Variants in TRMT11 observed in about 807,000 individuals in gnomAD.
TRMT11 encodes tRNA (guanine(10)-N(2))-methyltransferase TRMT11.
A neutral mutation model predicts 62.8 loss-of-function variants in TRMT11; 53 were observed. The ratio of observed to expected loss-of-function variants is 0.84; its 90% CI spans 0.68 to 1.06. The LOEUF is 1.06. Ranked by LOEUF, TRMT11 falls within the 50% of genes least tolerant of loss-of-function variation. The probability of loss-of-function intolerance (pLI) is 0.00; values close to 1 mark genes in which losing one functional copy is unlikely to be tolerated. For synonymous variants in TRMT11, 188 were observed against 190.3 expected (o/e 0.99, Z 0.10); for missense variants, 556 against 553.4 (o/e 1.00, Z -0.05).
chr6:126,136,757 A>G (rs770593645), intron 21 of TRMT11, among the ~76,000 whole-genome samples: 7 of 151,982 alleles, frequency 4.6e-5, no homozygotes, highest in South Asian at 2.1e-4. Flanking sequence ...TAATAAACAT[A>G]ACAGCATAGT....
intron 1 of TRMT11, among the ~76,000 whole-genome samples, chr6:126,196,850 G>C (rs1054112575): frequency 1.3e-5 from 2 of 151,774 alleles, no homozygotes; most frequent in African/African-American, 4.8e-5. Flanking sequence ...TCAAAACTGG[G>C]AATTAAAATT....
chr6:126,101,338 C>A (rs1242729149), intron 17 of TRMT11, among the ~76,000 whole-genome samples: 1 of 152,124 alleles, frequency 6.6e-6, no homozygotes, highest in African/African-American at 2.4e-5. Context: ...ATTCCACTTG[C>A]AAAATGATTC....
the TRMT11 span, among the ~76,000 whole-genome samples, chr6:126,241,365 A>G: frequency 2.0e-5 from 3 of 152,208 alleles, no homozygotes; most frequent in Admixed American, 2.0e-4. Context: ...TACCAGAGGT[A>G]CAAGGAGGAG....
chr6:126,132,056 G>A (rs1300601759), intron 21 of TRMT11, among the ~76,000 whole-genome samples: 1 of 152,020 alleles, frequency 6.6e-6, no homozygotes, highest in Non-Finnish European at 1.5e-5. Flanking sequence ...AGAGAGAGTG[G>A]AATTCCACAG....
intron 12 of TRMT11, among the ~76,000 whole-genome samples, chr6:126,036,148 A>T (rs1775148563): frequency 6.6e-6 from 1 of 152,076 alleles, no homozygotes; most frequent in Non-Finnish European, 1.5e-5. Context: ...CATGAGGAGA[A>T]TAGTGGACAT....
the TRMT11 span, among the ~76,000 whole-genome samples, chr6:126,215,316 G>A: frequency 1.3e-5 from 2 of 151,856 alleles, no homozygotes; most frequent in African/African-American, 2.4e-5. Context: ...TTGTATTGGG[G>A]TATATCTCTC....
the TRMT11 span, among the ~76,000 whole-genome samples, chr6:126,229,403 A>T: frequency 2.6e-5 from 4 of 152,180 alleles, no homozygotes; most frequent in East Asian, 7.7e-4. Context: ...TCTAACTTTA[A>T]CTCCTACAGA....
At chr6:126,021,759 C>T (rs1023036912) in intron 12 of TRMT11, among the ~76,000 whole-genome samples, 2 of 152,200 alleles carry the variant, frequency 1.3e-5, no homozygotes, top group Non-Finnish European at 2.9e-5. Flanking sequence ...AAAATTCTTA[C>T]TCTCTTACAT....
chr6:126,175,645 T>C (rs1030842405), upstream of TRMT11, among the ~76,000 whole-genome samples: 2 of 152,196 alleles, frequency 1.3e-5, no homozygotes, highest in African/African-American at 2.4e-5. Flanking sequence ...TCCAGTTCCT[T>C]TCATCCTTTC....
chr6:126,018,917 G>A (rs571944251), intron 11 of TRMT11, among the ~76,000 whole-genome samples: 1 of 151,900 alleles, frequency 6.6e-6, no homozygotes, highest in Non-Finnish European at 1.5e-5. Context: ...TTTCGCTCTT[G>A]TTGCCCAGGC....
intron 1 of TRMT11, among the ~76,000 whole-genome samples, chr6:126,187,263 A>AT (rs147168350): frequency 0.036 from 5,412 of 152,062 alleles, 335 homozygotes; most frequent in African/African-American, 0.12. Flanking sequence ...ATTTAGTCAA[A>AT]TTGCAAGATC....
chr6:126,241,189 C>T, the TRMT11 span, among the ~76,000 whole-genome samples: 2 of 152,226 alleles, frequency 1.3e-5, no homozygotes, highest in Non-Finnish European at 2.9e-5. Context: ...TGCTTTGGCT[C>T]ATGCTCGGTG....
intron 7 of TRMT11, among the ~76,000 whole-genome samples, chr6:126,007,414 G>C (rs1205656472): frequency 6.6e-6 from 1 of 151,796 alleles, no homozygotes; most frequent in Non-Finnish European, 1.5e-5. Flanking sequence ...GTCCAAGTCT[G>C]TGCATATTTT....
At chr6:126,250,116 C>A in the TRMT11 span, among the ~76,000 whole-genome samples, 1 of 152,088 alleles carries the variant, frequency 6.6e-6, no homozygotes, top group Non-Finnish European at 1.5e-5. Context: ...AAATTATATA[C>A]AATGATATGT....
rs114063260 is a variant in TRMT11, at chr6:126,083,188, G to T, written c.*1438-29678G>T. ...AGTTTCACTTTTCTGACATTCTTTC[G>T]GTCCCTGACAAACTGGTGTCCCATC... On this transcript the variant is annotated intron_variant and NMD_transcript_variant, in intron 17 of 22. Transcript: ENST00000648977. Among the ~76,000 whole-genome samples the T allele has an allele frequency of 6.3e-3, 960 of 152,150 alleles. 5 individuals carry two copies. Among genetic ancestry groups the T allele is most frequent in the African/African-American group, 0.022 (909 of 41,508 alleles).
chr6:126,132,046 AG>A (rs2087116039), intron 21 of TRMT11, among the ~76,000 whole-genome samples: 1 of 152,086 alleles, frequency 6.6e-6, no homozygotes, highest in African/African-American at 2.4e-5. Flanking sequence ...TACCTTCAAT[AG>A]AGAGAGTGGA....
At chr6:126,022,575 A>G (rs1292929388) in intron 12 of TRMT11, among the ~76,000 whole-genome samples, 2 of 152,166 alleles carry the variant, frequency 1.3e-5, no homozygotes, top group Non-Finnish European at 1.5e-5. Context: ...GATCTCCTTC[A>G]TACCGCTAGT....
intron 21 of TRMT11, among the ~76,000 whole-genome samples, chr6:126,123,930 T>C (rs148369724): frequency 0.012 from 1,789 of 152,154 alleles, 36 homozygotes; most frequent in African/African-American, 0.04. Flanking sequence ...AGCTTTTGAT[T>C]GAATATCTGG....
chr6:126,168,831 T>G (rs2128234480), intron 21 of TRMT11, among the ~76,000 whole-genome samples: 1 of 152,336 alleles, frequency 6.6e-6, no homozygotes, highest in East Asian at 1.9e-4. Context: ...AAAGAAATGT[T>G]ATAAAAGTAC....
Sources: allele counts gnomAD v4.1 joint callset (sites outside exome capture counted in the v4.1 genomes callset), GRCh38; gene constraint gnomAD v4.1.1; transcripts MANE v1.5; gene names NCBI Gene and HGNC (gene_info 2026-07-23, HGNC 2026-07-21).